SH3BGRL2: variants seen among roughly 807,000 people sequenced by gnomAD.
SH3BGRL2 encodes SH3 domain binding glutamate rich protein like 2, also known as SH3 domain-binding glutamic acid-rich-like protein 2.
SH3BGRL2 carries 21 observed loss-of-function variants against 14.8 expected under a neutral mutation model. That is an observed-to-expected ratio of 1.42 (90% CI 1.01 to 2.05). The LOEUF is 2.05. Among genes scored for constraint, SH3BGRL2 ranks in the 30% most tolerant of loss-of-function variants. SH3BGRL2 has a pLI of 0.00. For synonymous variants in SH3BGRL2, 50 were observed against 47.8 expected (o/e 1.05, Z -0.19); for missense variants, 147 against 130.8 (o/e 1.12, Z -0.61).
chr6:79,577,069 C>G, the SH3BGRL2 span, among the ~76,000 whole-genome samples: 1 of 151,968 alleles, frequency 6.6e-6, no homozygotes, highest in South Asian at 2.1e-4. Flanking sequence ...TTCCCTCTCT[C>G]TGTCTCTCTT....
intron 3 of SH3BGRL2, among the ~76,000 whole-genome samples, chr6:79,697,852 G>A (rs77225556): frequency 0.037 from 5,635 of 152,176 alleles, 363 homozygotes; most frequent in African/African-American, 0.13. Flanking sequence ...TAAATCCAGC[G>A]GGCATCATTG....
At chr6:79,563,267 G>A in the SH3BGRL2 span, among the ~76,000 whole-genome samples, 5 of 150,876 alleles carry the variant, frequency 3.3e-5, no homozygotes, top group Non-Finnish European at 5.9e-5. Flanking sequence ...ATGGGCCACC[G>A]TGCCCGGCCT....
At chr6:79,568,443 CAG>C in the SH3BGRL2 span, among the ~76,000 whole-genome samples, 2 of 152,244 alleles carry the variant, frequency 1.3e-5, no homozygotes, top group African/African-American at 4.8e-5. Context: ...ATGACTCTCT[CAG>C]ACATAATGCT....
the SH3BGRL2 span, among the ~76,000 whole-genome samples, chr6:79,564,512 TG>T: frequency 6.6e-6 from 1 of 152,198 alleles, no homozygotes; most frequent in African/African-American, 2.4e-5. Flanking sequence ...ACACAGCAAG[TG>T]GTAAAGCTAG....
chr6:79,641,497 A>G (rs967696424), intron 1 of SH3BGRL2, among the ~76,000 whole-genome samples: 5 of 152,164 alleles, frequency 3.3e-5, no homozygotes, highest in Non-Finnish European at 5.9e-5. Context: ...GTTATGGTTA[A>G]GGCGGGGGCT....
At chr6:79,636,769 C>T (rs1308295026) in intron 1 of SH3BGRL2, among the ~76,000 whole-genome samples, 2 of 152,142 alleles carry the variant, frequency 1.3e-5, no homozygotes, top group African/African-American at 2.4e-5. Flanking sequence ...GTATCACCCT[C>T]ATCTCTGCCT....
chr6:79,663,918 G>A (rs1330889456), intron 1 of SH3BGRL2, among the ~76,000 whole-genome samples: 2 of 152,216 alleles, frequency 1.3e-5, no homozygotes, highest in African/African-American at 4.8e-5. Flanking sequence ...GCAGGTTGAT[G>A]TCAGACTGCT....
the SH3BGRL2 span, among the ~76,000 whole-genome samples, chr6:79,578,278 C>T: frequency 3.9e-5 from 6 of 152,224 alleles, no homozygotes; most frequent in African/African-American, 1.2e-4. Flanking sequence ...AGCATGTTCT[C>T]TCAGCATGAT....
At chr6:79,699,434 T>G (rs1770403553) in intron 3 of SH3BGRL2, 64 bp from the exon 4 acceptor site, 1 of 1,511,574 alleles carries the variant, frequency 6.6e-7, no homozygotes, top group Non-Finnish European at 8.8e-7. Context: ...CAAGGGTGAA[T>G]TTTCTTGTCG....
At chr6:79,562,368 C>T in the SH3BGRL2 span, among the ~76,000 whole-genome samples, 2 of 152,070 alleles carry the variant, frequency 1.3e-5, no homozygotes, top group African/African-American at 4.8e-5. Context: ...TGTAAGTGTG[C>T]TCTTTAGATC....
At chr6:79,547,299 C>T in the SH3BGRL2 span, among the ~76,000 whole-genome samples, 1 of 152,198 alleles carries the variant, frequency 6.6e-6, no homozygotes, top group Non-Finnish European at 1.5e-5. Flanking sequence ...CAAGGAGCTG[C>T]TGGGTAGTAA....
chr6:79,683,105 A>G, intron 2 of SH3BGRL2, among the ~76,000 whole-genome samples: 1 of 152,142 alleles, frequency 6.6e-6, no homozygotes, highest in Non-Finnish European at 1.5e-5. Flanking sequence ...GTAAATGATG[A>G]GTTGATGGGT....
Position 79,651,303 on chromosome 6 carries a change from C to T in SH3BGRL2, c.45+19797C>T, listed in dbSNP as rs187564030. On this transcript the variant is annotated intron_variant, in intron 1 of 3. Transcript: ENST00000369838. ...AGTATCCTCTAATTAACAGGAGGCA[C>T]GTGTATGAAGAGTTGTATATAATTT... 3.0e-4 allele frequency among the ~76,000 whole-genome samples: 45 copies of T among 152,224 alleles called. No homozygotes were observed. The East Asian group carries it at 3.1e-3, about 10-fold the overall frequency.
chr6:79,583,052 C>G, the SH3BGRL2 span, among the ~76,000 whole-genome samples: 1 of 152,178 alleles, frequency 6.6e-6, no homozygotes. Flanking sequence ...CACTGGTCAT[C>G]AGAGAAATGC....
intron 1 of SH3BGRL2, among the ~76,000 whole-genome samples, chr6:79,634,441 G>T (rs1241916820): frequency 1.3e-5 from 2 of 152,178 alleles, no homozygotes; most frequent in Non-Finnish European, 1.5e-5. Flanking sequence ...TATATTCATA[G>T]AAATGTCATT....
intron 1 of SH3BGRL2, among the ~76,000 whole-genome samples, chr6:79,635,482 T>C (rs1277708826): frequency 1.3e-5 from 2 of 152,232 alleles, no homozygotes; most frequent in Non-Finnish European, 2.9e-5. Flanking sequence ...AGGTTCTGTA[T>C]TAGGTGATGT....
chr6:79,570,920 T>C, the SH3BGRL2 span, among the ~76,000 whole-genome samples: 1 of 152,166 alleles, frequency 6.6e-6, no homozygotes, highest in Non-Finnish European at 1.5e-5. Context: ...TGAATGTAAT[T>C]ATAGAAAAGG....
chr6:79,615,100 A>C, the SH3BGRL2 span, among the ~76,000 whole-genome samples: 2 of 152,184 alleles, frequency 1.3e-5, no homozygotes, highest in African/African-American at 4.8e-5. Context: ...AACATCCTGC[A>C]GTGGACAATG....
intron 1 of SH3BGRL2, 56 bp downstream of exon 1, chr6:79,631,562 G>T: frequency 7.6e-7 from 1 of 1,323,206 alleles, no homozygotes; most frequent in East Asian, 2.9e-5. Context: ...GGTCCTGCGG[G>T]AGGCGCGCGG....
Sources: allele counts gnomAD v4.1 joint callset (sites outside exome capture counted in the v4.1 genomes callset), GRCh38; gene constraint gnomAD v4.1.1; transcripts MANE v1.5; gene names NCBI Gene and HGNC (gene_info 2026-07-23, HGNC 2026-07-21).